Variants in CLSPN observed in about 807,000 individuals in gnomAD.
CLSPN encodes claspin homolog.
CLSPN carries 85 observed loss-of-function variants against 156.3 expected under a neutral mutation model. The ratio of observed to expected loss-of-function variants is 0.54; its 90% confidence interval spans 0.46 to 0.65. CLSPN has a LOEUF of 0.65. Among genes scored for constraint, CLSPN ranks in the 30% least tolerant of loss-of-function variants. The pLI is 0.00. For missense variants in CLSPN, 1,407 were observed against 1,554.9 expected (o/e 0.90, Z 1.60); for synonymous variants, 534 against 542.4 (o/e 0.98, Z 0.22).
rs1056869178 is a variant in CLSPN, at chr1:35,762,414, G to C, written c.812C>G (p.Thr271Ser). 1.2e-6 allele frequency: 2 copies of C among 1,613,550 alleles called. No individual in the cohort carries two copies. Among genetic ancestry groups the C allele is most frequent in the Non-Finnish European group, 1.7e-6 (2 of 1,179,574 alleles). ...FEEGSELSKG[T>S]TRKERKAARL... ...AGGGCTCTACCTCACCTTCCTCGTG[G>C]TTCCTTTTGATAACTCACTTCCTTC... Residue 271 changes from threonine to serine, a missense_variant, in exon 5 of 25, where the codon ACC becomes AGC. Physicochemically the swap from Thr to Ser is moderately conservative, Grantham distance 58. This residue lies in a region of CLSPN where 1,096 missense variants were observed against 1,193.0 expected (regional missense o/e 0.92). Transcript: ENST00000318121.
At chr1:35,742,951 GT>G (rs2148615822) in intron 18 of CLSPN, among the ~76,000 whole-genome samples, 189 bp downstream of exon 18, 1 of 151,944 alleles carries the variant, frequency 6.6e-6, no homozygotes, top group East Asian at 1.9e-4. Flanking sequence ...GTTTCACCAT[GT>G]TTGTCAGGAT....
Position 35,739,518 on chromosome 1 carries a change from TTCC to T in CLSPN, c.3152_3154del (p.Arg1051del), listed in dbSNP as rs766334503. 2 of 1,612,652 alleles carry T rather than the reference TTCC, an allele frequency of 1.2e-6. No individual in the cohort carries two copies. The highest frequency in any genetic ancestry group is 1.1e-5 in the South Asian group (1 of 90,768). ...CACCTCTGCCTCATCCTCCAGGTAT[TTCC>T]TCAACCTCCTAGAAAGCAATTTTGA... On this transcript the variant is annotated inframe_deletion, in exon 19 of 25. Coordinates refer to ENST00000318121, the MANE Select transcript of CLSPN (RefSeq NM_022111.4).
chr1:35,735,767 G>C lies in CLSPN; in HGVS notation c.*729C>G, dbSNP rs1184572869. The C allele has an allele frequency of 1.0e-6, 1 of 984,538 alleles. No homozygotes were observed. Among genetic ancestry groups the C allele is most frequent in the Admixed American group, 6.2e-5 (1 of 16,184 alleles). The allele number at this position is 984,538 out of a possible 1,614,324, so 61.0% of individuals were successfully genotyped here. ...TGGTCATCATGGTACGTATCTCATG[G>C]GTGTAAAGGAGTCATTATGGTACTG... On this transcript the variant is annotated 3_prime_UTR_variant, in exon 25 of 25. Transcript: ENST00000318121.
chr1:35,748,365 C>A, intron 13 of CLSPN, 40 bp downstream of exon 13: 1 of 1,568,342 alleles, frequency 6.4e-7, no homozygotes, highest in Non-Finnish European at 8.8e-7. Context: ...ATGTGGGAAG[C>A]AAAGAGAGGA....
Position 35,763,189 on chromosome 1 carries a change from C to A in CLSPN, c.715G>T (p.Ala239Ser), listed in dbSNP as rs773470340. 1 of 1,594,040 alleles carries A rather than the reference C, an allele frequency of 6.3e-7. No homozygotes were observed. Among genetic ancestry groups the A allele is most frequent in the Non-Finnish European group, 8.5e-7 (1 of 1,173,566 alleles). Residue 239 changes from alanine (A) to serine (S), a missense_variant, in exon 4 of 25, where the codon GCT becomes TCT. Around this residue, in one of 3 missense-constraint regions of CLSPN, gnomAD observed 1,096 missense variants for 1,193.0 expected, o/e 0.92. Coordinates refer to ENST00000318121, the MANE Select transcript of CLSPN (RefSeq NM_022111.4). Reference sequence around the variant, plus strand: ...TGCTTTTTTACTTTGTTTTTTACAGCTGCTCTTATTGATTCTAATGACTCT... The same window carrying A: ...TGCTTTTTTACTTTGTTTTTTACAGATGCTCTTATTGATTCTAATGACTCT... ...DEESLESIRA[A>S]VKNKVKKHKK... is the part of the protein sequence containing the mutation.
intron 5 of CLSPN, 78 bp from the exon 6 acceptor site, chr1:35,762,148 G>C: frequency 8.8e-7 from 1 of 1,133,084 alleles, no homozygotes; most frequent in Non-Finnish European, 1.3e-6. Context: ...TCAAGAGTTT[G>C]CTCTCTCCAA....
intron 16 of CLSPN, among the ~76,000 whole-genome samples, chr1:35,745,102 T>C (rs1477016667): frequency 6.6e-6 from 1 of 152,168 alleles, no homozygotes; most frequent in African/African-American, 2.4e-5. Flanking sequence ...CATCATACTT[T>C]CCCTGGCAGC....
In CLSPN at chr1:35,734,363, T is replaced by C. The variant is rs144966764; in HGVS notation, c.*2133A>G. ...TATACAAACATAAGTATTGTCAAAG[T>C]CAACATCTTGAGTATTAGAAAACTG... On this transcript the variant is annotated 3_prime_UTR_variant, in exon 25 of 25. Coordinates refer to ENST00000318121, the MANE Select transcript of CLSPN (RefSeq NM_022111.4). 2.7e-4 allele frequency: 266 copies of C among 985,264 alleles called. No homozygotes were observed. In the African/African-American group the frequency reaches 3.2e-3, roughly 12 times the overall value. The allele number at this position is 985,264 out of a possible 1,614,324, so 61.0% of individuals were successfully genotyped here.
intron 8 of CLSPN, among the ~76,000 whole-genome samples, chr1:35,756,648 C>G (rs1189626001): frequency 6.6e-6 from 1 of 152,072 alleles, no homozygotes; most frequent in African/African-American, 2.4e-5. Context: ...TTGCTCTTGT[C>G]CAGAAAGTAG....
At chr1:35,727,148 T>G (rs1243119794), downstream of CLSPN, among the ~76,000 whole-genome samples, 1 of 152,194 alleles carries the variant, frequency 6.6e-6, no homozygotes, top group African/African-American at 2.4e-5. Flanking sequence ...ATAGCTTGGA[T>G]TTCCCAGGAA....
intron 24 of CLSPN, among the ~76,000 whole-genome samples, chr1:35,724,667 T>C (rs1641139795): frequency 1.3e-5 from 2 of 152,210 alleles, no homozygotes; most frequent in Admixed American, 6.5e-5. Context: ...TAAAATAATA[T>C]GCCTTAAAAA....
In CLSPN at chr1:35,735,344, T is replaced by A. The variant is rs1641428680; in HGVS notation, c.*1152A>T. The A allele has an allele frequency of 1.0e-6, 1 of 985,268 alleles. No individual in the cohort carries two copies. The highest frequency in any genetic ancestry group is 1.7e-5 in the African/African-American group (1 of 57,206). The allele number at this position is 985,268 out of a possible 1,614,324, so 61.0% of individuals were successfully genotyped here. Reference sequence around the variant, plus strand: ...TTTGATGCTGCCTTGGGAAGAAGCATACAGGAAAATGAAAGGGGTAAGAGT... The same window carrying A: ...TTTGATGCTGCCTTGGGAAGAAGCAAACAGGAAAATGAAAGGGGTAAGAGT... On this transcript the variant is annotated 3_prime_UTR_variant, in exon 25 of 25. Transcript: ENST00000318121.
chr1:35,760,875 T>C lies in CLSPN; in HGVS notation c.1046A>G (p.Asp349Gly), dbSNP rs369899685. 6.2e-7 allele frequency: 1 copy of C among 1,613,078 alleles called. No homozygotes were observed. The highest frequency in any genetic ancestry group is 1.1e-5 in the South Asian group (1 of 90,980). ...GTTCATTTCAGTAGTATTTGCAGTGTCTATGATTTCTTTGTGATGGCTTGA... is the reference window on the plus strand; with the variant it reads ...GTTCATTTCAGTAGTATTTGCAGTGCCTATGATTTCTTTGTGATGGCTTGA... ...YQSSHHKEII[D>G]TANTTEMNSD... The change falls in exon 8 of 25, where the codon GAC (aspartate) becomes GGC (glycine). Residue 349 changes from aspartate (D) to glycine (G), a missense_variant. By Grantham distance (94) the Asp-to-Gly change is moderately conservative. Transcript: ENST00000318121.
At chr1:35,726,879 A>G (rs1260957635) in intron 24 of CLSPN, among the ~76,000 whole-genome samples, 3 of 152,246 alleles carry the variant, frequency 2.0e-5, no homozygotes, top group Non-Finnish European at 2.9e-5. Flanking sequence ...ACAGTTTAAG[A>G]AAGTTTTGTT....
chr1:35,738,099 T>TGAAA lies in CLSPN; in HGVS notation c.3559-6_3559-3dup. Reference sequence around the variant, plus strand: ...AGCTGTAATTTTCCCCTGCTGTGCCTGAAAAAAAAAAAAAATATATATATA... The same window carrying TGAAA: ...AGCTGTAATTTTCCCCTGCTGTGCCTGAAAGAAAAAAAAAAAAAATATATATATA... On this transcript the variant is annotated splice_region_variant and splice_polypyrimidine_tract_variant and intron_variant, in intron 21 of 24. Coordinates refer to ENST00000318121, the MANE Select transcript of CLSPN (RefSeq NM_022111.4). 1 of 666,986 alleles carries TGAAA rather than the reference T, an allele frequency of 1.5e-6. No individual in the cohort carries two copies. Among genetic ancestry groups the TGAAA allele is most frequent in the East Asian group, 3.0e-5 (1 of 33,038 alleles). The allele number at this position is 666,986 out of a possible 1,614,324, so 41.3% of individuals were successfully genotyped here.
chr1:35,747,032 C>G, intron 14 of CLSPN, 40 bp from the exon 15 acceptor site: 1 of 1,534,230 alleles, frequency 6.5e-7, no homozygotes, highest in East Asian at 2.2e-5. Context: ...TAAAAAATTC[C>G]TCAGAGAGGG....
chr1:35,737,752 C>A, intron 22 of CLSPN: 1 of 450,738 alleles, frequency 2.2e-6, no homozygotes, highest in Non-Finnish European at 3.9e-6. Flanking sequence ...GAATTAACTA[C>A]TCTGAGCCTT....
chr1:35,765,994 CTTTTTTTT>C (rs549426437), intron 1 of CLSPN, among the ~76,000 whole-genome samples: 1 of 106,484 alleles, frequency 9.4e-6, no homozygotes, highest in Non-Finnish European at 1.7e-5. Flanking sequence ...CTCTCTCTCT[CTTTTTTTT>C]TTTTTTTTTT....
intron 8 of CLSPN, among the ~76,000 whole-genome samples, chr1:35,754,599 G>C (rs1201118978): frequency 6.6e-6 from 1 of 152,056 alleles, no homozygotes; most frequent in Non-Finnish European, 1.5e-5. Flanking sequence ...AGCCCACCTT[G>C]GCCTCCCAAA....
Sources: gnomAD v4.1 joint callset for allele counts (sites outside exome capture counted in the v4.1 genomes callset) on GRCh38, gnomAD v4.1.1 for gene constraint, gnomAD v4.1.1 regional missense constraint, MANE v1.5 for transcripts, NCBI Gene and HGNC (gene_info 2026-07-23, HGNC 2026-07-21) for gene names.